The following HMGB4 variants were observed in gnomAD, a reference collection of about 807,000 sequenced individuals.
HMGB4 encodes high mobility group protein B4.
For missense variants in HMGB4, 217 were observed against 220.4 expected, an observed-to-expected ratio of 0.98 and a Z score of 0.10; for synonymous variants, 82 against 84.9, an observed-to-expected ratio of 0.97 and a Z score of 0.19.
At chr1:33,862,076 C>G (rs1639562278), upstream of HMGB4, 1 of 152,248 alleles carries the variant, frequency 6.6e-6, no homozygotes, top group Non-Finnish European at 1.5e-5. Flanking sequence ...GAAAGGGGAT[C>G]TGGAAGGGCA....
chr1:33,864,714 A>G lies in HMGB4; in HGVS notation c.523A>G (p.Arg175Gly), dbSNP rs761135652. The change falls in exon 1 of 1, where the codon AGA (arginine) becomes GGA (glycine). Residue 175 changes from arginine (R) to glycine (G), a missense_variant. Coordinates refer to ENST00000681531, the MANE Select transcript of HMGB4 (RefSeq NM_001379301.1). ...NARKKYRMSA[R>G]NRCRGKRVRQ... Reference sequence around the variant, plus strand: ...CAGGAAGAAGTACCGAATGTCAGCTAGAAACCGGTGCAGAGGGAAAAGAGT... The same window carrying G: ...CAGGAAGAAGTACCGAATGTCAGCTGGAAACCGGTGCAGAGGGAAAAGAGT... 19 of 1,613,092 alleles carry G rather than the reference A, an allele frequency of 1.2e-5. No homozygotes were observed. The highest frequency in any genetic ancestry group is 1.4e-5 in the Non-Finnish European group (17 of 1,179,748).
At chr1:33,863,415 T>G (rs1639694468), upstream of HMGB4, 1 of 152,164 alleles carries the variant, frequency 6.6e-6, no homozygotes, top group African/African-American at 2.4e-5. Context: ...TCCATTTCAT[T>G]TTCATGAACT....
chr1:33,862,849 C>T (rs1639644869), upstream of HMGB4: 1 of 152,212 alleles, frequency 6.6e-6, no homozygotes, highest in African/African-American at 2.4e-5. Context: ...TATTAGTTTC[C>T]ATCTTTCTTT....
chr1:33,861,399 C>G (rs1183579770), upstream of HMGB4: 1 of 152,166 alleles, frequency 6.6e-6, no homozygotes, highest in South Asian at 2.1e-4. Flanking sequence ...AACAGAAACC[C>G]TGTGGTTCAC....
Position 33,864,687 on chromosome 1 carries a change from G to A in HMGB4, c.496G>A (p.Ala166Thr), listed in dbSNP as rs1428377850. 2.5e-6 allele frequency: 4 copies of A among 1,613,636 alleles called. No individual in the cohort carries two copies. The highest frequency in any genetic ancestry group is 3.4e-6 in the Non-Finnish European group (4 of 1,179,962). Residue 166 changes from alanine to threonine, a missense_variant, in exon 1 of 1, where the codon GCC becomes ACC. By Grantham distance (58) the Ala-to-Thr change is moderately conservative. Transcript: ENST00000681531. ...TGAACTCTACCGTAAACAATGTAAT[G>A]CCAGGAAGAAGTACCGAATGTCAGC... ...ELELYRKQCN[A>T]RKKYRMSARN...
chr1:33,861,814 A>G (rs1639535732), upstream of HMGB4, among the ~76,000 whole-genome samples: 1 of 152,096 alleles, frequency 6.6e-6, no homozygotes, highest in African/African-American at 2.4e-5. Flanking sequence ...GGAAGGAGAG[A>G]GTCATTTAGA....
Position 33,864,485 on chromosome 1 carries a change from A to T in HMGB4, c.294A>T (p.Ser98=), listed in dbSNP as rs770906886. 3 of 1,614,114 alleles carry T rather than the reference A, an allele frequency of 1.9e-6. No homozygotes were observed. Among genetic ancestry groups the T allele is most frequent in the Non-Finnish European group, 2.5e-6 (3 of 1,180,018 alleles). Reference sequence around the variant, plus strand: ...CCCAGGAACCCAGACGGCCTCCATCATCCTTCCTACTCTTCTGCCAAGACC... The same window carrying T: ...CCCAGGAACCCAGACGGCCTCCATCTTCCTTCCTACTCTTCTGCCAAGACC... The part of the protein sequence containing the change: ...RDPQEPRRPP[S]SFLLFCQDHY... The change falls in exon 1 of 1, where the codon TCA becomes TCT. Residue 98 remains serine, a synonymous_variant. Coordinates refer to ENST00000681531, the MANE Select transcript of HMGB4 (RefSeq NM_001379301.1).
At chr1:33,863,426 CCAGT>C (rs1639695749), upstream of HMGB4, 1 of 152,150 alleles carries the variant, frequency 6.6e-6, no homozygotes, top group Admixed American at 6.5e-5. Context: ...TTCATGAACT[CCAGT>C]GTTAATTAAT....
upstream of HMGB4, chr1:33,863,998 T>C (rs1029011630): frequency 1.4e-5 from 8 of 575,688 alleles, no homozygotes; most frequent in African/African-American, 3.8e-5. Context: ...GGCTGGCTTG[T>C]GGATGATGTC....
chr1:33,860,614 T>C (rs914494177), upstream of HMGB4: 5 of 152,220 alleles, frequency 3.3e-5, no homozygotes, highest in Non-Finnish European at 7.3e-5. Flanking sequence ...TCATTTCAAT[T>C]TGTTTAATCC....
upstream of HMGB4, chr1:33,862,788 G>A (rs985234034): frequency 3.9e-5 from 6 of 152,150 alleles, no homozygotes; most frequent in African/African-American, 1.4e-4. Flanking sequence ...GGCTTAGGTA[G>A]GCCAGCCACC....
At chr1:33,861,792 A>T (rs564978596), upstream of HMGB4, among the ~76,000 whole-genome samples, 148 of 152,306 alleles carry the variant, frequency 9.7e-4, no homozygotes, top group African/African-American at 3.4e-3. Context: ...GAAAGGGGGC[A>T]ATGCCTGTAC....
Position 33,864,777 on chromosome 1 carries a change from T to C in HMGB4, c.*25T>C. On this transcript the variant is annotated 3_prime_UTR_variant, in exon 1 of 1. Transcript: ENST00000681531. ...ATGGATCCAGTTTGAAAAAACAAAA[T>C]GCCATTCAACCGTATTTCCTGTTCC... The C allele has an allele frequency of 6.4e-7, 1 of 1,567,512 alleles. No homozygotes were observed. Among genetic ancestry groups the C allele is most frequent in the Non-Finnish European group, 8.7e-7 (1 of 1,155,036 alleles).
rs1382018729 is a variant in HMGB4, at chr1:33,864,731, GAA to G, written c.543_544del (p.Arg182SerfsTer10). The G allele has an allele frequency of 3.7e-6, 6 of 1,610,740 alleles. No individual in the cohort carries two copies. The African/African-American group carries it at 8.0e-5, about 22-fold the overall frequency. ...TGTCAGCTAGAAACCGGTGCAGAGG[GAA>G]AAGAGTCAGGCAGAGCTGATGGATC... The part of the protein sequence containing the change: ...RMSARNRCRG[K>X]RVRQS On this transcript the variant is annotated frameshift_variant, in exon 1 of 1. Coordinates refer to ENST00000681531, the MANE Select transcript of HMGB4 (RefSeq NM_001379301.1). LOFTEE classifies it low-confidence loss of function (END_TRUNC).
Position 33,864,385 on chromosome 1 carries a change from A to G in HMGB4, c.194A>G (p.Lys65Arg). ...AAGGCCAAATATGAAGCCCTGGCCAAACTCGACAAAGCCCGATACCAGGAA... is the reference window on the plus strand; with the variant it reads ...AAGGCCAAATATGAAGCCCTGGCCAGACTCGACAAAGCCCGATACCAGGAA... ...HEKAKYEALA[K>R]LDKARYQEEM... The change falls in exon 1 of 1, where the codon AAA becomes AGA. Residue 65 changes from lysine to arginine, a missense_variant. Lys to Arg is a conservative substitution (Grantham distance 26). Transcript: ENST00000681531. The G allele has an allele frequency of 6.2e-7, 1 of 1,614,128 alleles. No homozygotes were observed. Among genetic ancestry groups the G allele is most frequent in the Non-Finnish European group, 8.5e-7 (1 of 1,180,034 alleles).
chr1:33,864,152 T>G lies in HMGB4; in HGVS notation c.-40T>G. 6.5e-7 allele frequency: 1 copy of G among 1,540,576 alleles called. No individual in the cohort carries two copies. The stretch of plus-strand genomic sequence containing the variant: ...AGTGTGGGAACAACAGTCTCTCCTG[T>G]CCACGTTACTGAATCCAGAAAAAAG... On this transcript the variant is annotated 5_prime_UTR_variant, in exon 1 of 1. Coordinates refer to ENST00000681531, the MANE Select transcript of HMGB4 (RefSeq NM_001379301.1).
chr1:33,861,432 T>C (rs894663879), upstream of HMGB4: 8 of 152,198 alleles, frequency 5.3e-5, no homozygotes, highest in African/African-American at 1.7e-4. Context: ...ATTTACTACC[T>C]GGCCCTCTAG....
chr1:33,863,743 A>T (rs1639726688), upstream of HMGB4: 1 of 158,256 alleles, frequency 6.3e-6, no homozygotes. Context: ...GGCATCCTGA[A>T]AATCGTATAG....
upstream of HMGB4, chr1:33,863,120 C>T (rs984878599): frequency 6.6e-6 from 1 of 152,158 alleles, no homozygotes; most frequent in African/African-American, 2.4e-5. Context: ...TAATGAAACT[C>T]AGTTTTCTAG....
Sources: gnomAD v4.1 joint callset for allele counts (sites outside exome capture counted in the v4.1 genomes callset) on GRCh38, gnomAD v4.1.1 for gene constraint, MANE v1.5 for transcripts, NCBI Gene and HGNC (gene_info 2026-07-23, HGNC 2026-07-21) for gene names.